SLC3A1: variants seen among roughly 807,000 people sequenced by gnomAD.
SLC3A1 encodes solute carrier family 3 member 1, also known as amino acid transporter heavy chain SLC3A1.
In SLC3A1, 78 loss-of-function variants were observed where a neutral mutation model predicts 60.3. The observed-to-expected ratio is 1.29, with a 90% confidence interval of 1.08 to 1.56. SLC3A1 has a LOEUF of 1.56. Ranked by LOEUF, SLC3A1 falls within the 40% of genes most tolerant of loss-of-function variation. The pLI, the probability that SLC3A1 is intolerant of heterozygous loss-of-function variation, is 0.00. For missense variants in SLC3A1, 1,172 were observed against 858.9 expected, an observed-to-expected ratio of 1.36 and a Z score of -4.56; for synonymous variants, 392 against 307.9, an observed-to-expected ratio of 1.27 and a Z score of -2.86.
In SLC3A1 at chr2:44,314,095, TAA is replaced by T. The variant is rs1172274982; in HGVS notation, c.1617+145_1617+146del. 5.9e-6 allele frequency: 9 copies of T among 1,537,768 alleles called. 1 individual carries two copies. The highest frequency in any genetic ancestry group is 6.1e-6 in the Non-Finnish European group (7 of 1,138,404). ...AGACTTCCTTGCAGTTTTCCATTTG[TAA>T]GGAGTTTGTAAATCATGCCTTTGTG... On this transcript the variant is annotated intron_variant, in intron 9 of 9. Coordinates refer to ENST00000260649, the MANE Select transcript of SLC3A1 (RefSeq NM_000341.4).
downstream of SLC3A1, among the ~76,000 whole-genome samples, chr2:44,322,084 C>T (rs1339393524): frequency 1.3e-5 from 2 of 152,006 alleles, no homozygotes; most frequent in African/African-American, 2.4e-5. Flanking sequence ...AAACTTCTGA[C>T]ACAGCGAAAG....
chr2:44,291,355 G>A (rs969485504), intron 4 of SLC3A1, among the ~76,000 whole-genome samples: 1 of 152,154 alleles, frequency 6.6e-6, no homozygotes, highest in African/African-American at 2.4e-5. Flanking sequence ...CTGCAAAAAT[G>A]TGCCAGCCAA....
At chr2:44,278,065 G>T (rs962963089) in intron 1 of SLC3A1, among the ~76,000 whole-genome samples, 5 of 152,068 alleles carry the variant, frequency 3.3e-5, no homozygotes, top group Non-Finnish European at 5.9e-5. Context: ...TGCTGGCTTA[G>T]ATCAAAACCC....
intron 7 of SLC3A1, among the ~76,000 whole-genome samples, chr2:44,307,296 A>T (rs1672182384): frequency 6.6e-6 from 1 of 152,212 alleles, no homozygotes; most frequent in Non-Finnish European, 1.5e-5. Flanking sequence ...GATGCTATGG[A>T]CATTTGTGTA....
intron 9 of SLC3A1, among the ~76,000 whole-genome samples, chr2:44,317,138 C>A (rs1265768770): frequency 6.6e-6 from 1 of 152,054 alleles, no homozygotes; most frequent in Non-Finnish European, 1.5e-5. Context: ...TAGCCATTAA[C>A]CACTGTGACT....
At chr2:44,303,406 A>C (rs1344052743) in intron 6 of SLC3A1, among the ~76,000 whole-genome samples, 1 of 150,802 alleles carries the variant, frequency 6.6e-6, no homozygotes, top group African/African-American at 2.4e-5. Context: ...ACCACACCTA[A>C]TTTTTGTATA....
At chr2:44,279,837 A>G (rs1022366798) in intron 1 of SLC3A1, among the ~76,000 whole-genome samples, 9 of 152,180 alleles carry the variant, frequency 5.9e-5, no homozygotes, top group African/African-American at 2.2e-4. Flanking sequence ...TGCTGGGATT[A>G]CAGGCACGTG....
At chr2:44,314,195 GACCTTT>G in intron 9 of SLC3A1, 1 of 986,266 alleles carries the variant, frequency 1.0e-6, no homozygotes. Context: ...TCATTGCAAT[GACCTTT>G]ACTAAGGCCT....
intron 1 of SLC3A1, 114 bp from the exon 2 acceptor site, chr2:44,280,602 C>T: frequency 1.3e-6 from 1 of 741,602 alleles, no homozygotes; most frequent in Non-Finnish European, 2.3e-6. Flanking sequence ...CAACAAAATT[C>T]TAAGTATTTT....
At position 44,299,061 on chromosome 2, in the gene SLC3A1, A is replaced by G. The variant is rs1450111410; in HGVS notation, c.892-910A>G. Among the ~76,000 whole-genome samples the G allele has an allele frequency of 2.1e-5, 3 of 142,616 alleles. No homozygotes were observed. The East Asian group carries it at 6.1e-4, about 29-fold the overall frequency. 93.6% of individuals were successfully genotyped at this position (142,616 alleles called of 152,430 possible). A position where few individuals can be genotyped will look rare whatever the true frequency, so the allele number is the denominator to read the frequency against. The stretch of plus-strand genomic sequence containing the variant: ...TTTTTTTTTTTTTTTTTTAAAAGAC[A>G]GAGTTTTGCTCTTGTTGCCCAGGCT... On this transcript the variant is annotated intron_variant, in intron 4 of 9. Transcript: ENST00000260649.
In SLC3A1 at chr2:44,275,848, A is replaced by C. The variant is rs200093674; in HGVS notation, c.313A>C (p.Ile105Leu). The change falls in exon 1 of 10, where the codon ATA becomes CTA. Residue 105 changes from isoleucine to leucine, a missense_variant. Transcript: ENST00000260649. ...TGTGCTGGTGCTCATCGCGGCCACC[A>C]TAGCCATCATTGCCCTCTCTCCAAA... ...ASVLVLIAAT[I>L]AIIALSPKCL... is the part of the protein sequence containing the mutation. The C allele has an allele frequency of 4.3e-6, 7 of 1,614,246 alleles. No homozygotes were observed. Among genetic ancestry groups the C allele is most frequent in the Non-Finnish European group, 5.1e-6 (6 of 1,180,048 alleles).
chr2:44,296,463 G>A (rs780254016), intron 4 of SLC3A1, among the ~76,000 whole-genome samples: 1 of 152,150 alleles, frequency 6.6e-6, no homozygotes, highest in Non-Finnish European at 1.5e-5. Context: ...GAACAAATTT[G>A]TTTTTTATGC....
chr2:44,319,430 G>A (rs772483217), intron 9 of SLC3A1: 7 of 152,366 alleles, frequency 4.6e-5, no homozygotes, highest in African/African-American at 7.2e-5. Flanking sequence ...AAACACTATC[G>A]TCAAAATGAA....
At chr2:44,295,045 A>C (rs915072950) in intron 4 of SLC3A1, among the ~76,000 whole-genome samples, 1 of 152,118 alleles carries the variant, frequency 6.6e-6, no homozygotes, top group Admixed American at 6.6e-5. Flanking sequence ...CACCTGGCTT[A>C]AGAGGATGTC....
intron 3 of SLC3A1, 61 bp from the exon 4 acceptor site, chr2:44,285,970 GA>G: frequency 1.3e-6 from 2 of 1,597,830 alleles, no homozygotes; most frequent in Non-Finnish European, 1.7e-6. Flanking sequence ...GGAGGGCAAT[GA>G]TCTTTATTTG....
Position 44,294,959 on chromosome 2 carries a change from G to T in SLC3A1, c.892-5012G>T, listed in dbSNP as rs145178131. On this transcript the variant is annotated intron_variant, in intron 4 of 9. Transcript: ENST00000260649. ...GGGTCTCACTTTGTTGCCCAGGCTG[G>T]TCTTGAACTCCTGAGCTTAAGTGAT... 5.8e-4 allele frequency among the ~76,000 whole-genome samples: 88 copies of T among 152,130 alleles called. 1 individual carries two copies. The East Asian group carries it at 0.015, about 27-fold the overall frequency.
chr2:44,294,739 T>C (rs984769401), intron 4 of SLC3A1, among the ~76,000 whole-genome samples: 3 of 152,080 alleles, frequency 2.0e-5, no homozygotes, highest in Non-Finnish European at 2.9e-5. Flanking sequence ...TAGCAAAGAA[T>C]TTTTCCAAGA....
At chr2:44,280,061 C>T (rs1417206748) in intron 1 of SLC3A1, among the ~76,000 whole-genome samples, 2 of 152,134 alleles carry the variant, frequency 1.3e-5, no homozygotes, top group Non-Finnish European at 2.9e-5. Flanking sequence ...TTACTCTGCT[C>T]TGTTCCTTGA....
chr2:44,288,518 A>G (rs1333968873), intron 4 of SLC3A1, among the ~76,000 whole-genome samples: 4 of 152,064 alleles, frequency 2.6e-5, no homozygotes, highest in African/African-American at 9.7e-5. Flanking sequence ...ATCATGCTGT[A>G]TCTGTATATC....
Sources: gnomAD v4.1 joint callset for allele counts (sites outside exome capture counted in the v4.1 genomes callset) on GRCh38, gnomAD v4.1.1 for gene constraint, MANE v1.5 for transcripts, NCBI Gene and HGNC (gene_info 2026-07-23, HGNC 2026-07-21) for gene names.